PHF14: variants seen among roughly 807,000 people sequenced by gnomAD.
PHF14 encodes PHD finger protein 14.
In PHF14, 55 loss-of-function variants were observed where a neutral mutation model predicts 117.9. The observed-to-expected ratio is 0.47, with a 90% CI of 0.38 to 0.58. The LOEUF (loss-of-function observed/expected upper bound fraction) is 0.58. Ranked by LOEUF, PHF14 falls within the 20% of genes least tolerant of loss-of-function variation. The pLI is 0.00. For synonymous variants in PHF14, 409 were observed against 368.6 expected (o/e 1.11, Z -1.26); for missense variants, 978 against 1,122.2 (o/e 0.87, Z 1.84).
chr7:11,084,440 A>G (rs1475714301), intron 16 of PHF14, among the ~76,000 whole-genome samples: 1 of 151,618 alleles, frequency 6.6e-6, no homozygotes, highest in Non-Finnish European at 1.5e-5. Context: ...TTCAGGGCCT[A>G]CTGGTGGCCT....
At chr7:11,158,928 A>T (rs1460235259) in intron 17 of PHF14, among the ~76,000 whole-genome samples, 3 of 152,140 alleles carry the variant, frequency 2.0e-5, no homozygotes, top group Non-Finnish European at 4.4e-5. Context: ...AAAATCTATT[A>T]TCTAGATATT....
chr7:11,021,736 G>A (rs1783743714), intron 5 of PHF14, among the ~76,000 whole-genome samples: 1 of 152,032 alleles, frequency 6.6e-6, no homozygotes, highest in Non-Finnish European at 1.5e-5. Flanking sequence ...GTATTTGGGA[G>A]GTTGGATTAA....
intron 3 of PHF14, 101 bp from the exon 4 acceptor site, chr7:10,990,602 A>G (rs1782415175): frequency 1.5e-6 from 1 of 657,194 alleles, no homozygotes; most frequent in African/African-American, 1.8e-5. Context: ...TACATTTGGA[A>G]ATGCATATAA....
Position 11,037,098 on chromosome 7 carries a change from T to C in PHF14, c.1980+7T>C, listed in dbSNP as rs1255461298. 2.7e-6 allele frequency: 4 copies of C among 1,478,164 alleles called. No individual in the cohort carries two copies. The highest frequency in any genetic ancestry group is 3.7e-6 in the Non-Finnish European group (4 of 1,094,740). 91.6% of individuals were successfully genotyped at this position (1,478,164 alleles called of 1,614,324 possible). A position where few individuals can be genotyped will look rare whatever the true frequency, so the allele number is the denominator to read the frequency against. On this transcript the variant is annotated splice_region_variant and intron_variant, in intron 10 of 17. Transcript: ENST00000634607. Reference sequence around the variant, plus strand: ...TCATGTAGAATATAATAAGGTAAGTTAGCTACAAAATATGCAACATAATGT... The same window carrying C: ...TCATGTAGAATATAATAAGGTAAGTCAGCTACAAAATATGCAACATAATGT...
intron 3 of PHF14, among the ~76,000 whole-genome samples, chr7:10,989,766 G>A (rs1243081914): frequency 6.6e-6 from 1 of 152,100 alleles, no homozygotes; most frequent in East Asian, 1.9e-4. Flanking sequence ...GAGTACCTGG[G>A]ACTAAGGGCA....
chr7:11,121,532 G>C (rs1048043372), intron 17 of PHF14, among the ~76,000 whole-genome samples: 3 of 152,012 alleles, frequency 2.0e-5, no homozygotes, highest in African/African-American at 7.2e-5. Context: ...TTTTTTCCTA[G>C]ACATGTCTTT....
intron 17 of PHF14, among the ~76,000 whole-genome samples, chr7:11,135,539 T>A (rs1788195118): frequency 6.6e-6 from 1 of 152,166 alleles, no homozygotes; most frequent in African/African-American, 2.4e-5. Context: ...AAATGCTCTT[T>A]ATTTTAAATT....
intron 6 of PHF14, among the ~76,000 whole-genome samples, chr7:11,023,687 G>T (rs1468685606): frequency 6.6e-6 from 1 of 152,172 alleles, no homozygotes; most frequent in African/African-American, 2.4e-5. Context: ...AATTAGCTGG[G>T]CGTGGTGGCG....
At chr7:11,032,771 T>G (rs1160377317) in intron 7 of PHF14, among the ~76,000 whole-genome samples, 1 of 152,234 alleles carries the variant, frequency 6.6e-6, no homozygotes, top group Admixed American at 6.5e-5. Flanking sequence ...TGTTGACTAT[T>G]ACTGCTTCTC....
At chr7:11,038,430 C>CAA (rs958555910) in intron 10 of PHF14, among the ~76,000 whole-genome samples, 61 of 50,394 alleles carry the variant, frequency 1.2e-3, no homozygotes, top group African/African-American at 2.8e-3. Flanking sequence ...GACTCCATCT[C>CAA]AAAAAAAAAA....
intron 17 of PHF14, among the ~76,000 whole-genome samples, chr7:11,163,005 A>T (rs1168800705): frequency 6.6e-6 from 1 of 152,250 alleles, no homozygotes; most frequent in Non-Finnish European, 1.5e-5. Flanking sequence ...ACATGAAATT[A>T]GAAATTTGTT....
chr7:11,050,472 A>G (rs1348026661), intron 13 of PHF14, among the ~76,000 whole-genome samples: 1 of 152,156 alleles, frequency 6.6e-6, no homozygotes, highest in Admixed American at 6.5e-5. Flanking sequence ...ATGATTGACA[A>G]TATAAAGATT....
intron 11 of PHF14, 49 bp downstream of exon 11, chr7:11,038,904 G>A (rs1000088395): frequency 3.7e-6 from 3 of 819,616 alleles, no homozygotes; most frequent in Non-Finnish European, 5.8e-6. Context: ...CTCCCTATAT[G>A]ATTTTCAAAG....
chr7:10,979,445 A>T (rs900052238), intron 2 of PHF14, among the ~76,000 whole-genome samples: 5 of 130,380 alleles, frequency 3.8e-5, no homozygotes, highest in Non-Finnish European at 7.2e-5. Flanking sequence ...AATTTTAAAG[A>T]TATATTTTTT....
chr7:11,030,083 G>T (rs113886805), intron 7 of PHF14, among the ~76,000 whole-genome samples: 11 of 150,960 alleles, frequency 7.3e-5, no homozygotes, highest in African/African-American at 2.7e-4. Flanking sequence ...TTATATAGCT[G>T]TTCCAGTCTC....
chr7:11,144,755 G>A (rs759086921), intron 17 of PHF14, among the ~76,000 whole-genome samples: 3 of 151,764 alleles, frequency 2.0e-5, no homozygotes, highest in Non-Finnish European at 2.9e-5. Context: ...TGTTTGTGGT[G>A]ATGTGGGGGG....
intron 17 of PHF14, among the ~76,000 whole-genome samples, chr7:11,141,180 G>C (rs897924770): frequency 2.0e-5 from 3 of 152,020 alleles, no homozygotes; most frequent in African/African-American, 7.2e-5. Flanking sequence ...AGTTTTACTT[G>C]TATTTCTCAT....
In PHF14 at chr7:10,983,697, A is replaced by ATG. The variant is rs1166500550; in HGVS notation, c.900+542_900+543dup. 2.0e-5 allele frequency among the ~76,000 whole-genome samples: 3 copies of ATG among 152,288 alleles called. No homozygotes were observed. In the East Asian group the frequency reaches 5.8e-4, roughly 29 times the overall value. On this transcript the variant is annotated intron_variant, in intron 3 of 17. Transcript: ENST00000634607. ...TTTTTAGTCACCAAATCTTTGCTTT[A>ATG]TGTGTATGGGACATACACATAAGTA...
intron 17 of PHF14, among the ~76,000 whole-genome samples, chr7:11,117,718 C>G (rs1787640734): frequency 6.7e-6 from 1 of 149,846 alleles, no homozygotes; most frequent in African/African-American, 2.5e-5. Context: ...GAGTATCTTG[C>G]CACAATACAT....
Sources: allele counts gnomAD v4.1 joint callset (sites outside exome capture counted in the v4.1 genomes callset), GRCh38; gene constraint gnomAD v4.1.1; transcripts MANE v1.5; gene names NCBI Gene and HGNC (gene_info 2026-07-23, HGNC 2026-07-21).